MARK2: variants seen among roughly 807,000 people sequenced by gnomAD.
The protein encoded by MARK2 is serine/threonine-protein kinase MARK2.
Under a neutral mutation model 89.8 loss-of-function variants are expected in MARK2, and 16 were observed. The ratio of observed to expected loss-of-function variants is 0.18; its 90% CI spans 0.12 to 0.27. The LOEUF is 0.27. Among genes scored for constraint, MARK2 ranks in the 10% least tolerant of loss-of-function variants. MARK2 has a pLI of 1.00. For synonymous variants in MARK2, 382 were observed against 399.5 expected (o/e 0.96, Z 0.52); for missense variants, 621 against 1,049.9 (o/e 0.59, Z 5.65).
chr11:63,908,756 C>T (rs1941553473), intron 18 of MARK2, 121 bp from the exon 19 acceptor site: 8 of 1,027,144 alleles, frequency 7.8e-6, no homozygotes, highest in Non-Finnish European at 1.1e-5. Flanking sequence ...AGGGGCCACG[C>T]CTGGCTGCTC....
intron 1 of MARK2, among the ~76,000 whole-genome samples, chr11:63,852,467 A>G (rs1186171538): frequency 2.6e-5 from 4 of 152,108 alleles, no homozygotes; most frequent in African/African-American, 9.6e-5. Flanking sequence ...TTGACAACTT[A>G]TTTTAGCACT....
chr11:63,870,406 G>A (rs937194684), intron 1 of MARK2, among the ~76,000 whole-genome samples: 1 of 152,112 alleles, frequency 6.6e-6, no homozygotes, highest in African/African-American at 2.4e-5. Context: ...CAGCATTCTA[G>A]CCCTGACCCA....
intron 11 of MARK2, among the ~76,000 whole-genome samples, chr11:63,901,422 G>GGGGGGTGTGTGTGTGT (rs1554985348): frequency 2.9e-5 from 4 of 139,590 alleles, no homozygotes; most frequent in African/African-American, 1.1e-4. Flanking sequence ...TACATTTCTG[G>GGGGGGTGTGTGTGTGT]GTGTGTGTGT....
chr11:63,898,129 C>T (rs551999419), intron 3 of MARK2, 103 bp from the exon 4 acceptor site: 28 of 920,960 alleles, frequency 3.0e-5, no homozygotes, highest in East Asian at 4.9e-5. Context: ...TTTCCCTGCC[C>T]GGTTTTGGTT....
In MARK2 at chr11:63,903,066, C is replaced by T. The variant is rs373073936; in HGVS notation, c.1422C>T (p.Ser474=). The T allele has an allele frequency of 6.8e-6, 11 of 1,613,640 alleles. No homozygotes were observed. The highest frequency in any genetic ancestry group is 4.0e-5 in the African/African-American group (3 of 74,930). ...KKTTPTPSTN[S]VLSTSTNRSR... is the part of the protein sequence containing the mutation. ...TTGCCCTTTATTCCCCACAGAACAG[C>T]GTCCTCTCCACCAGCACAAATCGAA... The change falls in exon 14 of 19, where the codon AGC becomes AGT. Residue 474 remains serine, a synonymous_variant. Coordinates refer to ENST00000402010, the MANE Select transcript of MARK2 (RefSeq NM_001039469.3). The surrounding 1 kb of genome is among the most constrained non-coding windows in gnomAD (Gnocchi z 5.1).
intron 1 of MARK2, among the ~76,000 whole-genome samples, chr11:63,889,943 G>A (rs1056983831): frequency 3.3e-5 from 5 of 152,220 alleles, no homozygotes; most frequent in South Asian, 4.1e-4. Flanking sequence ...AGGGGAGAGC[G>A]TGGCTTTTGC....
At chr11:63,876,839 CA>C (rs1013702317) in intron 1 of MARK2, among the ~76,000 whole-genome samples, 2 of 152,164 alleles carry the variant, frequency 1.3e-5, no homozygotes, top group African/African-American at 4.8e-5. Context: ...TAACAATGCC[CA>C]AAAGCGGCCC....
rs1454695173 is a variant in MARK2 at position 63,902,693 on chromosome 11, T to C, written c.1327T>C (p.Ser443Pro). 2.0e-5 allele frequency: 32 copies of C among 1,613,852 alleles called. No homozygotes were observed. The highest frequency in any genetic ancestry group is 2.7e-5 in the Non-Finnish European group (32 of 1,179,958). ...TAAGCGGCCTGAGGAGGACCGGGAG[T>C]CAGGGCGGAAAGCCAGCAGCACAGC... ...ENKRPEEDRESGRKASSTAKV... is the reference protein window; with the variant it reads ...ENKRPEEDREPGRKASSTAKV... Residue 443 changes from serine (S) to proline (P), a missense_variant, in exon 13 of 19, where the codon TCA becomes CCA. By Grantham distance (74) the Ser-to-Pro change is moderately conservative. Coordinates refer to ENST00000402010, the MANE Select transcript of MARK2 (RefSeq NM_001039469.3). This position sits in a 1 kb window ranked among gnomAD's most constrained non-coding sequence, Gnocchi z 4.2.
rs1463375650 is a variant in MARK2 at position 63,885,948 on chromosome 11, G to T, written c.55-9211G>T. 3.3e-5 allele frequency among the ~76,000 whole-genome samples: 5 copies of T among 151,892 alleles called. No individual in the cohort carries two copies. The East Asian group carries it at 9.7e-4, about 29-fold the overall frequency. ...TCGAGACCATCCTGGCCAACATGGT[G>T]AAACCTCGTCTCTACTAAAAATATA... On this transcript the variant is annotated intron_variant, in intron 1 of 18. Transcript: ENST00000402010.
At chr11:63,878,521 C>A (rs1345102495) in intron 1 of MARK2, among the ~76,000 whole-genome samples, 5 of 151,994 alleles carry the variant, frequency 3.3e-5, no homozygotes, top group African/African-American at 9.7e-5. Context: ...AGGTGCCCAC[C>A]ACCACGCCCG....
rs1168321836 is a variant in MARK2, at chr11:63,903,155, A to G, written c.1511A>G (p.Asp504Gly). 4.3e-6 allele frequency: 7 copies of G among 1,612,606 alleles called. No homozygotes were observed. The highest frequency in any genetic ancestry group is 5.9e-6 in the Non-Finnish European group (7 of 1,179,352). The change falls in exon 14 of 19, where the codon GAC becomes GGC. Residue 504 changes from aspartate to glycine, a missense_variant. Asp to Gly is a moderately conservative substitution (Grantham distance 94). Around this residue, in one of 5 missense-constraint regions of MARK2, gnomAD observed 397 missense variants for 567.8 expected, o/e 0.70. Coordinates refer to ENST00000402010, the MANE Select transcript of MARK2 (RefSeq NM_001039469.3). The surrounding 1 kb of genome is among the most constrained non-coding windows in gnomAD (Gnocchi z 5.1). The part of the protein sequence containing the change: ...LGQASIQNGK[D>G]SLTMPGSRAS... ...CAGGCCTCCATCCAGAATGGCAAAG[A>G]CAGGTGAGAGACCCGGGCCCTGCCT...
Position 63,899,882 on chromosome 11 carries a change from C to T in MARK2, c.540C>T (p.Asn180=), listed in dbSNP as rs748851501. ...FIVHRDLKAE[N]LLLDADMNIK... ...TCCATCTTACCTCCCAGGCAGAAAA[C>T]CTGCTCTTGGATGCTGATATGAACA... The change falls in exon 8 of 19, where the codon AAC becomes AAT. Residue 180 remains asparagine (N), a synonymous_variant. Transcript: ENST00000402010. 3.7e-6 allele frequency: 6 copies of T among 1,613,046 alleles called. No homozygotes were observed. In the East Asian group the frequency reaches 1.1e-4, roughly 30 times the overall value.
At chr11:63,872,671 C>A (rs1243241825) in intron 1 of MARK2, among the ~76,000 whole-genome samples, 1 of 152,134 alleles carries the variant, frequency 6.6e-6, no homozygotes, top group Non-Finnish European at 1.5e-5. Context: ...GACCAACCCG[C>A]TTCTACCGTG....
intron 1 of MARK2, among the ~76,000 whole-genome samples, chr11:63,874,425 T>G (rs1938623599): frequency 6.6e-6 from 1 of 152,180 alleles, no homozygotes; most frequent in African/African-American, 2.4e-5. Flanking sequence ...AACTTGGGGC[T>G]TTTTAGGGAC....
chr11:63,909,419 C>T lies in MARK2; in HGVS notation c.*182C>T, dbSNP rs1012099458. The stretch of plus-strand genomic sequence containing the variant: ...TTTGTGGGGGGTGGGAGATTGTTCT[C>T]CAGCACCCCACATTCACCCCTGCCC... On this transcript the variant is annotated 3_prime_UTR_variant, in exon 19 of 19. Transcript: ENST00000402010. 9 of 599,080 alleles carry T rather than the reference C, an allele frequency of 1.5e-5. No individual in the cohort carries two copies. In the African/African-American group the frequency reaches 1.5e-4, roughly 10 times the overall value. The allele number at this position is 599,080 out of a possible 1,614,324, so 37.1% of individuals were successfully genotyped here.
At chr11:63,870,684 C>T (rs1283176530) in intron 1 of MARK2, among the ~76,000 whole-genome samples, 1 of 152,182 alleles carries the variant, frequency 6.6e-6, no homozygotes, top group East Asian at 1.9e-4. Context: ...GTTCAGCAAG[C>T]AATGAAGTGC....
chr11:63,906,230 G>A, intron 17 of MARK2, 116 bp downstream of exon 17: 1 of 1,208,682 alleles, frequency 8.3e-7, no homozygotes, highest in Non-Finnish European at 1.0e-6. Flanking sequence ...GCTTAACCAA[G>A]TCTGTGTGGC....
chr11:63,841,800 A>G (rs1028730055), intron 1 of MARK2, among the ~76,000 whole-genome samples: 3 of 152,206 alleles, frequency 2.0e-5, no homozygotes, highest in African/African-American at 4.8e-5. Flanking sequence ...GCTGCTTACT[A>G]CATGTAAATG....
At chr11:63,868,688 G>C (rs2135258460) in intron 1 of MARK2, 1 of 444,508 alleles carries the variant, frequency 2.2e-6, no homozygotes, top group African/African-American at 2.0e-5. Flanking sequence ...CCTTGCCCCT[G>C]ACACCAACGT....
Sources: gnomAD v4.1 joint callset for allele counts (sites outside exome capture counted in the v4.1 genomes callset) on GRCh38, gnomAD v4.1.1 for gene constraint, gnomAD v4.1.1 regional missense constraint, Gnocchi (gnomAD v3.1) non-coding constraint, MANE v1.5 for transcripts, NCBI Gene and HGNC (gene_info 2026-07-23, HGNC 2026-07-21) for gene names.